LRP1B: variants seen among roughly 807,000 people sequenced by gnomAD.
LRP1B encodes LDL receptor related protein 1B.
Under a neutral mutation model 556.6 loss-of-function variants are expected in LRP1B, and 217 were observed. That is an observed-to-expected ratio of 0.39 (90% CI 0.35 to 0.44). LRP1B has a LOEUF of 0.44. Ranked by LOEUF, LRP1B falls within the 20% of genes least tolerant of loss-of-function variation. LRP1B has a pLI of 1.00. For missense variants in LRP1B, 5,053 were observed against 5,620.8 expected (o/e 0.90, Z 3.23); for synonymous variants, 2,047 against 1,865.8 (o/e 1.10, Z -2.50).
intron 35 of LRP1B, among the ~76,000 whole-genome samples, chr2:140,750,103 C>T (rs71348758): frequency 1.3e-5 from 1 of 74,714 alleles, no homozygotes; most frequent in Non-Finnish European, 3.3e-5. Context: ...CACACACACA[C>T]ACACACACAC....
At chr2:141,674,173 A>T (rs1690786096) in intron 2 of LRP1B, among the ~76,000 whole-genome samples, 1 of 152,116 alleles carries the variant, frequency 6.6e-6, no homozygotes, top group Non-Finnish European at 1.5e-5. Flanking sequence ...GTTCTCTAAA[A>T]TAAAATATAC....
chr2:142,065,987 A>G (rs1705093781), intron 1 of LRP1B, among the ~76,000 whole-genome samples: 1 of 151,474 alleles, frequency 6.6e-6, no homozygotes. Context: ...CTCCCAAAGT[A>G]TAATGGTGGT....
intron 2 of LRP1B, among the ~76,000 whole-genome samples, chr2:141,797,166 T>A (rs200704823): frequency 1.1e-5 from 1 of 87,268 alleles, no homozygotes; most frequent in African/African-American, 3.5e-5. Flanking sequence ...TATATATATA[T>A]ATATATATAT....
Position 140,803,260 on chromosome 2 carries a change from G to GTTTTTTTT in LRP1B, c.5359+10389_5359+10396dup, listed in dbSNP as rs11352164. 1.3e-4 allele frequency among the ~76,000 whole-genome samples: 13 copies of GTTTTTTTT among 102,234 alleles called. 1 individual carries two copies. Among genetic ancestry groups the GTTTTTTTT allele is most frequent in the African/African-American group, 5.1e-4 (10 of 19,602 alleles). 67.1% of individuals were successfully genotyped at this position (102,234 alleles called of 152,430 possible). A position where few individuals can be genotyped will look rare whatever the true frequency, so the allele number is the denominator to read the frequency against. On this transcript the variant is annotated intron_variant, in intron 32 of 90. Coordinates refer to ENST00000389484, the MANE Select transcript of LRP1B (RefSeq NM_018557.3). Reference sequence around the variant, plus strand: ...GTGGTCAGTATTAGTCCTATTGAAAGTTTTTTTTTTTTTTTTTTTTTTTTT... The same window carrying GTTTTTTTT: ...GTGGTCAGTATTAGTCCTATTGAAAGTTTTTTTTTTTTTTTTTTTTTTTTTTTTTTTTT...
chr2:142,038,988 C>G (rs935099628), intron 1 of LRP1B, among the ~76,000 whole-genome samples: 4 of 151,458 alleles, frequency 2.6e-5, no homozygotes, highest in Admixed American at 6.6e-5. Context: ...TCTTCTTGCT[C>G]ATGTTTTCCT....
intron 1 of LRP1B, among the ~76,000 whole-genome samples, chr2:141,813,984 C>T (rs542299695): frequency 6.6e-6 from 1 of 151,996 alleles, no homozygotes; most frequent in African/African-American, 2.4e-5. Context: ...AACCACAAGT[C>T]TCAGGAAGAC....
chr2:141,586,205 T>A (rs1040595629), intron 2 of LRP1B, among the ~76,000 whole-genome samples: 4 of 152,174 alleles, frequency 2.6e-5, no homozygotes, highest in East Asian at 1.9e-4. Flanking sequence ...ATTTTCCAAA[T>A]CCCTTATTTT....
At chr2:140,367,018 C>T (rs1449178605) in intron 71 of LRP1B, among the ~76,000 whole-genome samples, 1 of 151,516 alleles carries the variant, frequency 6.6e-6, no homozygotes, top group African/African-American at 2.4e-5. Flanking sequence ...ATGGAATAGG[C>T]TTAGACTGGA....
intron 1 of LRP1B, among the ~76,000 whole-genome samples, chr2:141,886,697 A>G (rs1435759003): frequency 6.6e-6 from 1 of 152,186 alleles, no homozygotes; most frequent in Non-Finnish European, 1.5e-5. Flanking sequence ...TATTTTTAAA[A>G]TTCCTTTGCT....
At chr2:142,011,586 T>A (rs1046717368) in intron 1 of LRP1B, among the ~76,000 whole-genome samples, 1 of 152,212 alleles carries the variant, frequency 6.6e-6, no homozygotes, top group African/African-American at 2.4e-5. Context: ...GACTGCATGC[T>A]TTCTGCTAAA....
chr2:141,033,104 A>C (rs1281088543), intron 11 of LRP1B, among the ~76,000 whole-genome samples: 2 of 151,904 alleles, frequency 1.3e-5, no homozygotes, highest in East Asian at 3.9e-4. Context: ...AGGGGTAGGC[A>C]TGTACAGGAC....
At chr2:140,629,140 G>A (rs1683785611) in intron 41 of LRP1B, among the ~76,000 whole-genome samples, 1 of 151,872 alleles carries the variant, frequency 6.6e-6, no homozygotes, top group South Asian at 2.1e-4. Context: ...TGCAACCTCT[G>A]CCTCCTGGGT....
At chr2:141,316,242 A>C (rs1687031513) in intron 3 of LRP1B, among the ~76,000 whole-genome samples, 1 of 152,088 alleles carries the variant, frequency 6.6e-6, no homozygotes, top group Non-Finnish European at 1.5e-5. Context: ...CGTATCCCAC[A>C]GTACTAGCAA....
intron 1 of LRP1B, among the ~76,000 whole-genome samples, chr2:141,905,763 AGATGTGTGTGTGTGTGTGTGTG>A (rs1465483681): frequency 8.7e-6 from 1 of 115,156 alleles, no homozygotes; most frequent in African/African-American, 3.2e-5. Context: ...TGGTTTGAAT[AGATGTGTGTGTGTGTGTGTGTG>A]TGTGTGTGTG....
intron 46 of LRP1B, among the ~76,000 whole-genome samples, chr2:140,535,500 TTC>T (rs1436795416): frequency 6.6e-6 from 1 of 152,150 alleles, no homozygotes; most frequent in Non-Finnish European, 1.5e-5. Flanking sequence ...ATCTCACAGA[TTC>T]TGTCTTTCTC....
At chr2:141,970,417 G>A (rs2105073733) in intron 1 of LRP1B, among the ~76,000 whole-genome samples, 1 of 151,600 alleles carries the variant, frequency 6.6e-6, no homozygotes, top group East Asian at 1.9e-4. Context: ...ATGATGTACA[G>A]CGTCCACTTA....
intron 63 of LRP1B, among the ~76,000 whole-genome samples, chr2:140,445,828 T>C (rs193162215): frequency 6.6e-6 from 1 of 152,282 alleles, no homozygotes; most frequent in Non-Finnish European, 1.5e-5. Context: ...AAATCTACTA[T>C]GTTGTTTGCA....
chr2:141,896,721 C>T (rs1007411762), intron 1 of LRP1B, among the ~76,000 whole-genome samples: 1 of 152,058 alleles, frequency 6.6e-6, no homozygotes, highest in Non-Finnish European at 1.5e-5. Flanking sequence ...TAAATACAAA[C>T]ATAAAATAAA....
intron 2 of LRP1B, among the ~76,000 whole-genome samples, chr2:141,498,807 C>A (rs1426227978): frequency 6.6e-6 from 1 of 152,048 alleles, no homozygotes; most frequent in East Asian, 1.9e-4. Context: ...ACATTCTCTG[C>A]ATGCTTTCTA....
Sources: gnomAD v4.1 joint callset for allele counts (sites outside exome capture counted in the v4.1 genomes callset) on GRCh38, gnomAD v4.1.1 for gene constraint, MANE v1.5 for transcripts, NCBI Gene and HGNC (gene_info 2026-07-23, HGNC 2026-07-21) for gene names.